The following MYO1E variants were observed in gnomAD, a reference collection of about 807,000 sequenced individuals.
MYO1E encodes the protein myosin IE, also known as unconventional myosin-Ie.
Under a neutral mutation model 151.1 loss-of-function variants are expected in MYO1E, and 68 were observed. The observed-to-expected ratio is 0.45, with a 90% CI of 0.37 to 0.55. MYO1E has a LOEUF of 0.55. Ranked by LOEUF, MYO1E falls within the 20% of genes least tolerant of loss-of-function variation. The probability of loss-of-function intolerance (pLI) is 0.00; values close to 1 mark genes in which losing one functional copy is unlikely to be tolerated. For missense variants in MYO1E, 1,363 were observed against 1,389.3 expected (o/e 0.98, Z 0.30); for synonymous variants, 601 against 501.7 (o/e 1.20, Z -2.64).
At chr15:59,211,690 A>T (rs758761364) in intron 12 of MYO1E, among the ~76,000 whole-genome samples, 21 of 152,132 alleles carry the variant, frequency 1.4e-4, no homozygotes, top group Non-Finnish European at 2.1e-4. Context: ...ACCCTCCAGT[A>T]AACAGTGTCA....
rs111777355 is a variant in MYO1E, at chr15:59,324,496, G to A, written c.3+48002C>T. On this transcript the variant is annotated intron_variant, in intron 1 of 27. Transcript: ENST00000288235. Reference sequence around the variant, plus strand: ...AGTTGGGCATGTTCTGGGGAGCATCGGGGATGCTAGAGTATCTGGGTTGGT... The same window carrying A: ...AGTTGGGCATGTTCTGGGGAGCATCAGGGATGCTAGAGTATCTGGGTTGGT... Among the ~76,000 whole-genome samples the A allele has an allele frequency of 4.1e-3, 630 of 152,210 alleles. 5 individuals are homozygous for A. Among genetic ancestry groups the A allele is most frequent in the African/African-American group, 0.012 (510 of 41,522 alleles).
chr15:59,159,228 G>C lies in MYO1E; in HGVS notation c.2786-849C>G, dbSNP rs2079524805. Among the ~76,000 whole-genome samples the C allele has an allele frequency of 6.6e-6, 1 of 152,234 alleles. No homozygotes were observed. The highest frequency in any genetic ancestry group is 2.4e-5 in the African/African-American group (1 of 41,472). On this transcript the variant is annotated intron_variant, in intron 24 of 27. Transcript: ENST00000288235. This position sits in a 1 kb window ranked among gnomAD's most constrained non-coding sequence, Gnocchi z 4.4. ...CACGTGGGATCGGGGCAAACCCAGT[G>C]TGGCCTGCTGGACGCTTCCCTCCCA...
intron 1 of MYO1E, among the ~76,000 whole-genome samples, chr15:59,311,933 A>C (rs2080555051): frequency 6.6e-6 from 1 of 152,208 alleles, no homozygotes; most frequent in African/African-American, 2.4e-5. Flanking sequence ...TGAAGCAGCA[A>C]GAAGGCCCTC....
chr15:59,355,960 C>A (rs1403057227), intron 1 of MYO1E, among the ~76,000 whole-genome samples: 2 of 152,166 alleles, frequency 1.3e-5, no homozygotes, highest in Admixed American at 1.3e-4. Context: ...CTCAAGCAAT[C>A]CACCTGCCTA....
chr15:59,269,094 T>A (rs1336986705), intron 2 of MYO1E, among the ~76,000 whole-genome samples: 5 of 152,204 alleles, frequency 3.3e-5, no homozygotes, highest in African/African-American at 1.2e-4. Flanking sequence ...TAACGGTTTC[T>A]GTGGCAAAAT....
At chr15:59,160,971 C>T in intron 24 of MYO1E, 102 bp downstream of exon 24, 1 of 1,476,008 alleles carries the variant, frequency 6.8e-7, no homozygotes. Context: ...AGAAGGTGTA[C>T]TGATTCTCAG....
chr15:59,243,967 G>A (rs2080114977), intron 4 of MYO1E, among the ~76,000 whole-genome samples: 1 of 151,134 alleles, frequency 6.6e-6, no homozygotes, highest in Non-Finnish European at 1.5e-5. Context: ...AGGTTCCAGG[G>A]TCATGGAGAG....
In MYO1E at chr15:59,132,477, C is replaced by A. The variant is rs1421327077; in HGVS notation, c.*4903G>T. 6.6e-6 allele frequency: 1 copy of A among 152,096 alleles called. No homozygotes were observed. The highest frequency in any genetic ancestry group is 1.5e-5 in the Non-Finnish European group (1 of 68,020). The allele number at this position is 152,096 out of a possible 1,614,324, so 9.4% of individuals were successfully genotyped here. A position where few individuals can be genotyped will look rare whatever the true frequency, so the allele number is the denominator to read the frequency against. ...TTTTACTTAGTTAAATATTAAATGT[C>A]CTGACTTAGGAAATTCTTCCAGGAT... On this transcript the variant is annotated 3_prime_UTR_variant, in exon 28 of 28. Transcript: ENST00000288235.
intron 6 of MYO1E, among the ~76,000 whole-genome samples, chr15:59,229,502 G>A (rs1468288649): frequency 3.9e-5 from 6 of 152,196 alleles, no homozygotes; most frequent in African/African-American, 1.4e-4. Flanking sequence ...GCCTGGGGGG[G>A]ATGACAGGAA....
At chr15:59,167,013 G>T (rs1163208868) in intron 22 of MYO1E, among the ~76,000 whole-genome samples, 1 of 152,208 alleles carries the variant, frequency 6.6e-6, no homozygotes. Context: ...CTCAGCACCA[G>T]GTAGGTGCTC....
chr15:59,367,824 T>C (rs1443870972), intron 1 of MYO1E, among the ~76,000 whole-genome samples: 1 of 152,076 alleles, frequency 6.6e-6, no homozygotes, highest in Non-Finnish European at 1.5e-5. Context: ...AAATCACATA[T>C]AAAAATTGGC....
At chr15:59,150,202 A>G (rs537336248) in intron 26 of MYO1E, among the ~76,000 whole-genome samples, 6 of 152,364 alleles carry the variant, frequency 3.9e-5, no homozygotes, top group Admixed American at 2.6e-4. Context: ...TTTTACATAC[A>G]AGGAAATCTT....
intron 5 of MYO1E, among the ~76,000 whole-genome samples, chr15:59,236,352 GAAAAA>G (rs57488716): frequency 5.1e-5 from 6 of 116,716 alleles, no homozygotes; most frequent in African/African-American, 2.0e-4. Flanking sequence ...TCTCAAAAAA[GAAAAA>G]AAAAAAATAT....
intron 4 of MYO1E, among the ~76,000 whole-genome samples, chr15:59,246,738 G>GC (rs2080132453): frequency 6.6e-6 from 1 of 152,064 alleles, no homozygotes; most frequent in Non-Finnish European, 1.5e-5. Flanking sequence ...CTGAGCTCTG[G>GC]CCCCCAGACA....
At chr15:59,144,590 G>A (rs371956237) in intron 26 of MYO1E, among the ~76,000 whole-genome samples, 2 of 151,538 alleles carry the variant, frequency 1.3e-5, no homozygotes, top group African/African-American at 2.4e-5. Context: ...CCACCGCACC[G>A]GGTTCCAGGT....
At chr15:59,142,175 T>A (rs2079414165) in intron 26 of MYO1E, among the ~76,000 whole-genome samples, 1 of 152,226 alleles carries the variant, frequency 6.6e-6, no homozygotes, top group Non-Finnish European at 1.5e-5. Context: ...ATATTTTTTC[T>A]GAATATTTTC....
At chr15:59,249,579 C>T (rs1210453724) in intron 4 of MYO1E, among the ~76,000 whole-genome samples, 22 of 152,084 alleles carry the variant, frequency 1.4e-4, no homozygotes, top group Non-Finnish European at 1.8e-4. Flanking sequence ...ATTATGCCAT[C>T]TAAAGTGTCA....
chr15:59,255,565 T>C (rs1182443119), intron 4 of MYO1E, among the ~76,000 whole-genome samples: 1 of 152,132 alleles, frequency 6.6e-6, no homozygotes, highest in Non-Finnish European at 1.5e-5. Context: ...CAGCTAATTT[T>C]TGTAAATAAG....
rs1203788033 is a variant in MYO1E, at chr15:59,159,471, G to A, written c.2786-1092C>T. Among the ~76,000 whole-genome samples the A allele has an allele frequency of 6.6e-6, 1 of 152,260 alleles. No homozygotes were observed. The highest frequency in any genetic ancestry group is 1.5e-5 in the Non-Finnish European group (1 of 68,052). On this transcript the variant is annotated intron_variant, in intron 24 of 27. Transcript: ENST00000288235. The surrounding 1 kb of genome is among the most constrained non-coding windows in gnomAD (Gnocchi z 4.4). The stretch of plus-strand genomic sequence containing the variant: ...CCAGGCCAACAGGAGGCACTGGAAG[G>A]AGACTGGAGTGTCAGGAGGGAGGTG...
Sources: gnomAD v4.1 joint callset for allele counts (sites outside exome capture counted in the v4.1 genomes callset) on GRCh38, gnomAD v4.1.1 for gene constraint, Gnocchi (gnomAD v3.1) non-coding constraint, MANE v1.5 for transcripts, NCBI Gene and HGNC (gene_info 2026-07-23, HGNC 2026-07-21) for gene names.